Variants in SMAD9 observed in about 807,000 individuals in gnomAD.
The protein encoded by SMAD9 is MAD homolog 9.
A neutral mutation model predicts 46.1 loss-of-function variants in SMAD9; 36 were observed. That is an observed-to-expected ratio of 0.78 (90% confidence interval 0.60 to 1.03). The LOEUF (loss-of-function observed/expected upper bound fraction) is 1.03. SMAD9 is among the 50% of genes least tolerant of loss of function. The probability of loss-of-function intolerance (pLI) is 0.00; values close to 1 mark genes in which losing one functional copy is unlikely to be tolerated. For missense variants in SMAD9, 572 were observed against 599.8 expected (o/e 0.95, Z 0.48); for synonymous variants, 245 against 237.1 (o/e 1.03, Z -0.31).
chr13:36,866,373 G>A (rs1217409691), intron 4 of SMAD9, among the ~76,000 whole-genome samples: 2 of 151,236 alleles, frequency 1.3e-5, no homozygotes, highest in African/African-American at 2.4e-5. Context: ...AAAGAGAGCT[G>A]GATATTTCAT....
intron 1 of SMAD9, among the ~76,000 whole-genome samples, chr13:36,894,843 T>C (rs1329773291): frequency 6.6e-6 from 1 of 152,162 alleles, no homozygotes; most frequent in Non-Finnish European, 1.5e-5. Context: ...ATGCAAATGA[T>C]GCCATGAAAA....
At chr13:36,919,305 C>G (rs1566046589) in intron 1 of SMAD9, among the ~76,000 whole-genome samples, 1 of 152,146 alleles carries the variant, frequency 6.6e-6, no homozygotes, top group East Asian at 1.9e-4. Context: ...GATCACAAAG[C>G]TGGCGTCAGG....
At chr13:36,897,277 A>AAAAT in intron 1 of SMAD9, among the ~76,000 whole-genome samples, 1 of 152,352 alleles carries the variant, frequency 6.6e-6, no homozygotes, top group Admixed American at 6.5e-5. Flanking sequence ...GGACTTATTT[A>AAAAT]TAGATATTTT....
upstream of SMAD9, chr13:36,920,242 G>A (rs1267433221): frequency 1.3e-5 from 2 of 156,708 alleles, no homozygotes; most frequent in Non-Finnish European, 1.4e-5. Context: ...TCAGACTGGA[G>A]CCGCGAAGCC....
intron 3 of SMAD9, among the ~76,000 whole-genome samples, chr13:36,871,192 G>A (rs1161574450): frequency 1.3e-5 from 2 of 152,170 alleles, no homozygotes; most frequent in Non-Finnish European, 2.9e-5. Flanking sequence ...TAAAACCTGT[G>A]CCTATGGTCT....
In SMAD9 at chr13:36,867,354, T is replaced by TCATGATAA. The variant is rs1272212535; in HGVS notation, c.699_700insTTATCATG (p.Thr234LeufsTer3). ...CCACTCTGGGTCTCAGAGGCTTCTG[T>TCATGATAA]GGCATGATAAGGCAGGGGTGGTGTG... On this transcript the variant is annotated frameshift_variant, in exon 4 of 7. Coordinates refer to ENST00000379826, the MANE Select transcript of SMAD9 (RefSeq NM_001127217.3). LOFTEE classifies it high-confidence loss of function. 1.3e-6 allele frequency: 2 copies of TCATGATAA among 1,551,070 alleles called. No homozygotes were observed. Among genetic ancestry groups the TCATGATAA allele is most frequent in the East Asian group, 4.9e-5 (2 of 40,918 alleles).
Position 36,870,719 on chromosome 13 carries a change from C to T in SMAD9, c.670+1939G>A, listed in dbSNP as rs181038712. ...CATATACTATGTTTTTTTTCCTATA[C>T]ATACCTGTGATAAAGTTTAATTTAT... On this transcript the variant is annotated intron_variant, in intron 3 of 6. Coordinates refer to ENST00000379826, the MANE Select transcript of SMAD9 (RefSeq NM_001127217.3). Among the ~76,000 whole-genome samples the T allele has an allele frequency of 1.1e-3, 137 of 127,890 alleles. 1 individual carries two copies. The Middle Eastern group carries it at 0.02, about 19-fold the overall frequency. 83.9% of individuals were successfully genotyped at this position (127,890 alleles called of 152,430 possible).
intron 2 of SMAD9, among the ~76,000 whole-genome samples, chr13:36,878,334 G>C (rs915743605): frequency 1.3e-5 from 2 of 152,060 alleles, no homozygotes; most frequent in Non-Finnish European, 2.9e-5. Flanking sequence ...TCTATGTTTA[G>C]ATCTGTTCAT....
At chr13:36,874,685 G>A (rs559432571) in intron 2 of SMAD9, among the ~76,000 whole-genome samples, 19 of 151,558 alleles carry the variant, frequency 1.3e-4, no homozygotes, top group Admixed American at 3.3e-4. Context: ...GTGAAACCCC[G>A]TCTCTACTAA....
chr13:36,898,004 C>T lies in SMAD9; in HGVS notation c.-186-18129G>A, dbSNP rs201759071. Among the ~76,000 whole-genome samples the T allele has an allele frequency of 7.2e-4, 109 of 151,854 alleles. 1 individual carries two copies. The East Asian group carries it at 0.015, about 21-fold the overall frequency. On this transcript the variant is annotated intron_variant, in intron 1 of 6. Coordinates refer to ENST00000379826, the MANE Select transcript of SMAD9 (RefSeq NM_001127217.3). ...CCCGAGTAGCTAGGACTACAGGCGC[C>T]CGCCACCACACCCAGCTAATTTTTT... is the stretch of plus-strand genomic sequence containing the variant.
chr13:36,903,695 A>C (rs1425930196), intron 1 of SMAD9, among the ~76,000 whole-genome samples: 1 of 152,192 alleles, frequency 6.6e-6, no homozygotes, highest in Non-Finnish European at 1.5e-5. Flanking sequence ...CTTCTAGATA[A>C]GTTAATTTTA....
Position 36,905,527 on chromosome 13 carries a change from G to A in SMAD9, c.-187+14589C>T, listed in dbSNP as rs530191898. Among the ~76,000 whole-genome samples, 79 of 152,018 alleles carry A rather than the reference G, an allele frequency of 5.2e-4. 1 individual carries two copies. Among genetic ancestry groups the A allele is most frequent in the African/African-American group, 1.7e-3 (70 of 41,510 alleles). On this transcript the variant is annotated intron_variant, in intron 1 of 6. Transcript: ENST00000379826. ...TCCCAGCACTTTGGGATGCCAAGGCGGGCAGATGGCTTGAGCCCAGGAGTA... is the reference window on the plus strand; with the variant it reads ...TCCCAGCACTTTGGGATGCCAAGGCAGGCAGATGGCTTGAGCCCAGGAGTA...
chr13:36,903,609 C>A (rs2058595769), intron 1 of SMAD9, among the ~76,000 whole-genome samples: 2 of 152,066 alleles, frequency 1.3e-5, no homozygotes, highest in Admixed American at 1.3e-4. Flanking sequence ...GAATTGTTTT[C>A]TTTGAACTGA....
chr13:36,846,527 A>G lies in SMAD9; in HGVS notation c.*2149T>C, dbSNP rs1261309434. The stretch of plus-strand genomic sequence containing the variant: ...CCAGAGGATAAGTTAGATAGCTGGT[A>G]GAGAGATCACGAAAGCTATGTTTGA... On this transcript the variant is annotated 3_prime_UTR_variant, in exon 7 of 7. Coordinates refer to ENST00000379826, the MANE Select transcript of SMAD9 (RefSeq NM_001127217.3). 6.6e-6 allele frequency: 1 copy of G among 151,526 alleles called. No homozygotes were observed. The highest frequency in any genetic ancestry group is 1.5e-5 in the Non-Finnish European group (1 of 67,916). 9.4% of individuals were successfully genotyped at this position (151,526 alleles called of 1,614,324 possible). A position where few individuals can be genotyped will look rare whatever the true frequency, so the allele number is the denominator to read the frequency against.
chr13:36,858,180 C>A (rs896322650), intron 5 of SMAD9, among the ~76,000 whole-genome samples: 9 of 151,628 alleles, frequency 5.9e-5, no homozygotes, highest in African/African-American at 2.2e-4. Context: ...TGAAATTTCC[C>A]ACAATAAAAA....
intron 1 of SMAD9, among the ~76,000 whole-genome samples, chr13:36,892,628 G>A (rs373457425): frequency 6.6e-6 from 1 of 152,084 alleles, no homozygotes; most frequent in South Asian, 2.1e-4. Context: ...GAAATGGATC[G>A]GACTACATCA....
At chr13:36,916,311 T>C (rs1167740290) in intron 1 of SMAD9, among the ~76,000 whole-genome samples, 2 of 152,224 alleles carry the variant, frequency 1.3e-5, no homozygotes, top group African/African-American at 4.8e-5. Context: ...ATGGCTTCCA[T>C]TGTGTATTTA....
intron 1 of SMAD9, among the ~76,000 whole-genome samples, chr13:36,898,185 T>A (rs1196145109): frequency 6.6e-6 from 1 of 152,014 alleles, no homozygotes; most frequent in Non-Finnish European, 1.5e-5. Context: ...AATAAGGGTG[T>A]GGGTTACCCT....
At chr13:36,920,359 G>A (rs2058736637), upstream of SMAD9, 1 of 150,394 alleles carries the variant, frequency 6.6e-6, no homozygotes, top group South Asian at 2.1e-4. Context: ...AGCCGCAGAG[G>A]AGGGGGCTGC....
Sources: allele counts gnomAD v4.1 joint callset (sites outside exome capture counted in the v4.1 genomes callset), GRCh38; gene constraint gnomAD v4.1.1; transcripts MANE v1.5; gene names NCBI Gene and HGNC (gene_info 2026-07-23, HGNC 2026-07-21).